Variants in UBE3A observed in about 807,000 individuals in gnomAD.
UBE3A encodes ubiquitin protein ligase E3A.
Under a neutral mutation model 83.4 loss-of-function variants are expected in UBE3A, and 6 were observed. That is an observed-to-expected ratio of 0.07 (90% CI 0.04 to 0.14). The LOEUF is 0.14. UBE3A is among the 10% of genes least tolerant of loss of function. The pLI, the probability that UBE3A is intolerant of heterozygous loss-of-function variation, is 1.00. For synonymous variants in UBE3A, 337 were observed against 355.4 expected, an observed-to-expected ratio of 0.95 and a Z score of 0.58; for missense variants, 456 against 1,036.1, an observed-to-expected ratio of 0.44 and a Z score of 7.69.
At chr15:25,398,997 T>C (rs2086440517) in intron 4 of UBE3A, among the ~76,000 whole-genome samples, 1 of 151,496 alleles carries the variant, frequency 6.6e-6, no homozygotes, top group South Asian at 2.1e-4. Flanking sequence ...TGGCCATTTG[T>C]ATGTCTTATT....
At chr15:25,396,272 C>T (rs561401280) in intron 4 of UBE3A, among the ~76,000 whole-genome samples, 1 of 152,032 alleles carries the variant, frequency 6.6e-6, no homozygotes, top group African/African-American at 2.4e-5. Context: ...TAAATTAATA[C>T]ATACAAAGAG....
chr15:25,342,513 A>C (rs1394437432), intron 11 of UBE3A, among the ~76,000 whole-genome samples: 1 of 150,254 alleles, frequency 6.7e-6, no homozygotes, highest in Non-Finnish European at 1.5e-5. Context: ...ATTAAACAAG[A>C]ATGCATATAT....
At position 25,336,965 on chromosome 15, in the gene UBE3A, A is replaced by T. The variant is rs187426059; in HGVS notation, c.*2172T>A. 6.6e-5 allele frequency: 10 copies of T among 152,284 alleles called. No homozygotes were observed. Among genetic ancestry groups the T allele is most frequent in the African/African-American group, 2.4e-4 (10 of 41,568 alleles). The allele number at this position is 152,284 out of a possible 1,614,324, so 9.4% of individuals were successfully genotyped here. On this transcript the variant is annotated 3_prime_UTR_variant, in exon 13 of 13. Transcript: ENST00000648336. ...CTTATTGTTCAGGGACATTCCATTA[A>T]ATAGTAATGAAAAGGCAGCAAAAGT...
chr15:25,390,939 T>TA (rs201795004), intron 4 of UBE3A, among the ~76,000 whole-genome samples: 2,432 of 137,850 alleles, frequency 0.018, 58 homozygotes, highest in African/African-American at 0.056. Context: ...AGAACTCCTG[T>TA]AAAAAAAAAA....
chr15:25,429,791 G>A (rs773132659), intron 1 of UBE3A, among the ~76,000 whole-genome samples: 2 of 151,582 alleles, frequency 1.3e-5, no homozygotes, highest in African/African-American at 4.9e-5. Flanking sequence ...GATCACCTGA[G>A]GTTAGGAGTT....
Position 25,407,229 on chromosome 15 carries a change from C to G in UBE3A, c.21-1727G>C, listed in dbSNP as rs1174278187. ...GATGTCATACTGTAAGGAGGCAGAG[C>G]TGGCTTGCAAAACAAAAAATAAACC... On this transcript the variant is annotated intron_variant, in intron 3 of 12. Coordinates refer to ENST00000648336, the MANE Select transcript of UBE3A (RefSeq NM_130839.5). 3 of 1,202,480 alleles carry G rather than the reference C, an allele frequency of 2.5e-6. No individual in the cohort carries two copies. The East Asian group carries it at 2.1e-4, about 86-fold the overall frequency. 74.5% of individuals were successfully genotyped at this position (1,202,480 alleles called of 1,614,324 possible).
At chr15:25,345,587 CACAAAT>C (rs1163219429) in intron 11 of UBE3A, 11 of 151,940 alleles carry the variant, frequency 7.2e-5, no homozygotes, top group South Asian at 4.2e-4. Context: ...CACACACACA[CACAAAT>C]AAATAAATAA....
intron 11 of UBE3A, among the ~76,000 whole-genome samples, chr15:25,344,313 T>A (rs2075326835): frequency 6.6e-6 from 1 of 152,162 alleles, no homozygotes; most frequent in African/African-American, 2.4e-5. Context: ...TGTGGGATGA[T>A]TCTCAGGATA....
chr15:25,391,375 A>G (rs1010635476), intron 4 of UBE3A, among the ~76,000 whole-genome samples: 8 of 152,234 alleles, frequency 5.3e-5, no homozygotes, highest in Non-Finnish European at 8.8e-5. Flanking sequence ...CAATGAATGT[A>G]GAGTTTCTGT....
intron 6 of UBE3A, among the ~76,000 whole-genome samples, chr15:25,369,622 C>T (rs1019135309): frequency 6.6e-6 from 1 of 151,994 alleles, no homozygotes; most frequent in Non-Finnish European, 1.5e-5. Context: ...TTAAATTTTA[C>T]TTGAAGATGA....
chr15:25,425,715 T>C (rs1379916715), intron 1 of UBE3A, among the ~76,000 whole-genome samples: 1 of 152,232 alleles, frequency 6.6e-6, no homozygotes, highest in Non-Finnish European at 1.5e-5. Context: ...AATAGCTTTT[T>C]ATTTTTCTTT....
At position 25,370,131 on chromosome 15, in the gene UBE3A, G is replaced by A. The variant is rs2080067743; in HGVS notation, c.1608+435C>T. 6.6e-6 allele frequency among the ~76,000 whole-genome samples: 1 copy of A among 152,116 alleles called. No individual in the cohort carries two copies. Among genetic ancestry groups the A allele is most frequent in the African/African-American group, 2.4e-5 (1 of 41,408 alleles). ...ATCAAGTCCACAATAATGCAACTCTGAATTTTACACGATGGAATTTTTTGG... is the reference window on the plus strand; with the variant it reads ...ATCAAGTCCACAATAATGCAACTCTAAATTTTACACGATGGAATTTTTTGG... On this transcript the variant is annotated intron_variant, in intron 6 of 12. Coordinates refer to ENST00000648336, the MANE Select transcript of UBE3A (RefSeq NM_130839.5). This position sits in a 1 kb window ranked among gnomAD's most constrained non-coding sequence, Gnocchi z 4.2.
Position 25,361,126 on chromosome 15 carries a change from C to CTTT in UBE3A, c.1609-602_1609-600dup, listed in dbSNP as rs10713541. 3.7e-3 allele frequency among the ~76,000 whole-genome samples: 424 copies of CTTT among 115,392 alleles called. 9 individuals are homozygous for CTTT. The highest frequency in any genetic ancestry group is 0.012 in the African/African-American group (394 of 32,642). The allele number at this position is 115,392 out of a possible 152,430, so 75.7% of individuals were successfully genotyped here. The stretch of plus-strand genomic sequence containing the variant: ...ACATAACCTTACTCATGTCCTTACT[C>CTTT]TTTTTTTTTTTTTTTTTGACATGAA... On this transcript the variant is annotated intron_variant, in intron 6 of 12. Transcript: ENST00000648336.
intron 4 of UBE3A, among the ~76,000 whole-genome samples, chr15:25,388,454 G>C (rs1439712937): frequency 6.6e-6 from 1 of 152,070 alleles, no homozygotes; most frequent in Non-Finnish European, 1.5e-5. Context: ...TAGGAATAGA[G>C]GGAACACCTT....
rs78143724 is a variant in UBE3A, at chr15:25,340,026, T to C, written c.2498+59A>G. On this transcript the variant is annotated intron_variant, in intron 12 of 12. Transcript: ENST00000648336. ...AAACTATAAAGACAGTTCATATGTA[T>C]GTGACGAGGAATGCAAGGTTTTCGG... 6,831 of 1,600,318 alleles carry C rather than the reference T, an allele frequency of 4.3e-3. 25 individuals are homozygous for C. The highest frequency in any genetic ancestry group is 9.1e-3 in the Middle Eastern group (53 of 5,850).
Position 25,340,227 on chromosome 15 carries a change from C to T in UBE3A, c.2356G>A (p.Glu786Lys). ...GYTRDSVLIR[E>K]FWEIVHSFTD... ...AATGAATGAACGATTTCCCAGAACT[C>T]CCTAATGAGAAAAAATACAATACTG... The change falls in exon 12 of 13, where the codon GAG (glutamate) becomes AAG (lysine). Residue 786 changes from glutamate to lysine, a missense_variant and splice_region_variant. Glu to Lys is a moderately conservative substitution (Grantham distance 56). Coordinates refer to ENST00000648336, the MANE Select transcript of UBE3A (RefSeq NM_130839.5). The T allele has an allele frequency of 6.2e-7, 1 of 1,612,620 alleles. No individual in the cohort carries two copies. Among genetic ancestry groups the T allele is most frequent in the Non-Finnish European group, 8.5e-7 (1 of 1,179,904 alleles).
chr15:25,349,598 A>T (rs573763630), intron 11 of UBE3A, among the ~76,000 whole-genome samples: 1 of 152,328 alleles, frequency 6.6e-6, no homozygotes. Flanking sequence ...AACCCTGTAT[A>T]TACTATGCAT....
At chr15:25,431,445 C>T (rs778662385) in intron 1 of UBE3A, among the ~76,000 whole-genome samples, 10 of 152,104 alleles carry the variant, frequency 6.6e-5, no homozygotes, top group Non-Finnish European at 1.5e-4. Flanking sequence ...CAGGTTCAAG[C>T]GATTCTCGTG....
At position 25,334,426 on chromosome 15, in the gene UBE3A, C is replaced by G. The variant is rs1183255117; in HGVS notation, c.*4711G>C. ...AAGACCTAAGCAAATGCAAAGACAT[C>G]CCACAGTCATGGAACAGAAAACCTA... On this transcript the variant is annotated 3_prime_UTR_variant, in exon 13 of 13. Coordinates refer to ENST00000648336, the MANE Select transcript of UBE3A (RefSeq NM_130839.5). 1 of 151,988 alleles carries G rather than the reference C, an allele frequency of 6.6e-6. No homozygotes were observed. Among genetic ancestry groups the G allele is most frequent in the Non-Finnish European group, 1.5e-5 (1 of 67,998 alleles). The allele number at this position is 151,988 out of a possible 1,614,324, so 9.4% of individuals were successfully genotyped here.
Sources: gnomAD v4.1 joint callset for allele counts (sites outside exome capture counted in the v4.1 genomes callset) on GRCh38, gnomAD v4.1.1 for gene constraint, Gnocchi (gnomAD v3.1) non-coding constraint, MANE v1.5 for transcripts, NCBI Gene and HGNC (gene_info 2026-07-23, HGNC 2026-07-21) for gene names.